Variants in ABCE1 observed in about 807,000 individuals in gnomAD.
The protein encoded by ABCE1 is ATP binding cassette subfamily E member 1.
A neutral mutation model predicts 83.4 loss-of-function variants in ABCE1; 22 were observed. The observed-to-expected ratio is 0.26, with a 90% CI of 0.19 to 0.38. ABCE1 has a LOEUF of 0.38. Among genes scored for constraint, ABCE1 ranks in the 10% least tolerant of loss-of-function variants. The pLI is 1.00. For missense variants in ABCE1, 330 were observed against 721.9 expected, an observed-to-expected ratio of 0.46 and a Z score of 6.22; for synonymous variants, 204 against 233.7, an observed-to-expected ratio of 0.87 and a Z score of 1.16.
intron 9 of ABCE1, among the ~76,000 whole-genome samples, chr4:145,115,501 A>G (rs1749586465): frequency 6.6e-6 from 1 of 151,684 alleles, no homozygotes. Context: ...TTCCCTTTTC[A>G]TCTTAGACCT....
chr4:145,099,667 C>T (rs1352548533), intron 1 of ABCE1, among the ~76,000 whole-genome samples: 1 of 151,646 alleles, frequency 6.6e-6, no homozygotes, highest in African/African-American at 2.4e-5. Flanking sequence ...GAGCCGTGTA[C>T]CACTCCTAAC....
chr4:145,107,966 A>G lies in ABCE1; in HGVS notation c.190-49A>G, dbSNP rs761971202. On this transcript the variant is annotated intron_variant, in intron 3 of 17. Transcript: ENST00000296577. ...TTTTTAATCCATTTTAGTTATGTGTATATGTCTACAAATTAATACAAAAAT... is the reference window on the plus strand; with the variant it reads ...TTTTTAATCCATTTTAGTTATGTGTGTATGTCTACAAATTAATACAAAAAT... The G allele has an allele frequency of 5.1e-5, 72 of 1,416,048 alleles. No homozygotes were observed. In the South Asian group the frequency reaches 8.8e-4, roughly 17 times the overall value. 87.7% of individuals were successfully genotyped at this position (1,416,048 alleles called of 1,614,324 possible).
intron 16 of ABCE1, 52 bp from the exon 17 acceptor site, chr4:145,124,937 GT>G: frequency 3.9e-6 from 5 of 1,297,312 alleles, no homozygotes; most frequent in Non-Finnish European, 5.5e-6. Context: ...TCAAAAGGTA[GT>G]TACATTTCTG....
intron 13 of ABCE1, 148 bp from the exon 14 acceptor site, chr4:145,122,873 C>A: frequency 1.8e-6 from 1 of 553,370 alleles, no homozygotes; most frequent in Non-Finnish European, 3.1e-6. Context: ...AATCTCAAAA[C>A]ATGTCATAGA....
intron 1 of ABCE1, among the ~76,000 whole-genome samples, chr4:145,098,715 C>T (rs1482371252): frequency 6.6e-6 from 1 of 152,206 alleles, no homozygotes; most frequent in Non-Finnish European, 1.5e-5. Context: ...CCCCCTTTAC[C>T]CCACTCCCGC....
chr4:145,115,996 G>T (rs1193157944), intron 9 of ABCE1, among the ~76,000 whole-genome samples: 3 of 151,936 alleles, frequency 2.0e-5, no homozygotes, highest in Non-Finnish European at 4.4e-5. Context: ...ATTCAAGAGT[G>T]AGGGGGAAAG....
At chr4:145,120,380 G>A (rs533398970) in intron 11 of ABCE1, among the ~76,000 whole-genome samples, 57 of 152,078 alleles carry the variant, frequency 3.7e-4, no homozygotes, top group Middle Eastern at 3.4e-3. Flanking sequence ...ATAACCTCTA[G>A]TGAAAATAAG....
chr4:145,120,078 A>C lies in ABCE1; in HGVS notation c.1069A>C (p.Met357Leu), dbSNP rs1462306238. 12 of 1,612,140 alleles carry C rather than the reference A, an allele frequency of 7.4e-6. No individual in the cohort carries two copies. Among genetic ancestry groups the C allele is most frequent in the Non-Finnish European group, 1.0e-5 (12 of 1,179,312 alleles). The change falls in exon 11 of 18, where the codon ATG becomes CTG. Residue 357 changes from methionine (M) to leucine (L), a missense_variant. Coordinates refer to ENST00000296577, the MANE Select transcript of ABCE1 (RefSeq NM_002940.3). ...MYKYPGMKKK[M>L]GEFELAIVAG... The stretch of plus-strand genomic sequence containing the variant: ...TAAATATCCAGGAATGAAGAAAAAA[A>C]TGGGAGAATTTGAGCTAGCAATTGT...
intron 9 of ABCE1, among the ~76,000 whole-genome samples, chr4:145,113,025 T>G (rs1409418974): frequency 1.3e-5 from 2 of 152,190 alleles, no homozygotes; most frequent in Non-Finnish European, 2.9e-5. Context: ...AACATCCTTT[T>G]AAATACATGG....
intron 16 of ABCE1, 27 bp from the exon 17 acceptor site, chr4:145,124,963 C>T: frequency 6.6e-7 from 1 of 1,511,640 alleles, no homozygotes; most frequent in Non-Finnish European, 9.1e-7. Flanking sequence ...AAAATTTAAT[C>T]AAAATTGATT....
At chr4:145,107,799 A>C (rs1222520353) in intron 3 of ABCE1, among the ~76,000 whole-genome samples, 1 of 152,220 alleles carries the variant, frequency 6.6e-6, no homozygotes, top group Non-Finnish European at 1.5e-5. Flanking sequence ...GTCCTGGAAC[A>C]ATTTTCCCCA....
chr4:145,099,664 G>A (rs781400763), intron 1 of ABCE1, among the ~76,000 whole-genome samples: 1 of 152,158 alleles, frequency 6.6e-6, no homozygotes, highest in African/African-American at 2.4e-5. Context: ...TCAGAGCCGT[G>A]TACCACTCCT....
At chr4:145,118,965 T>C (rs1212765747) in intron 10 of ABCE1, among the ~76,000 whole-genome samples, 1 of 151,900 alleles carries the variant, frequency 6.6e-6, no homozygotes, top group Non-Finnish European at 1.5e-5. Context: ...ACCAAGTGGC[T>C]GCTAAGGTTC....
chr4:145,106,314 T>C (rs1749303900), intron 3 of ABCE1, among the ~76,000 whole-genome samples: 2 of 152,056 alleles, frequency 1.3e-5, no homozygotes, highest in African/African-American at 4.8e-5. Flanking sequence ...ACCACACTAT[T>C]GTTCAAATAA....
intron 13 of ABCE1, chr4:145,122,493 A>G (rs557432406): frequency 6.6e-6 from 1 of 152,022 alleles, no homozygotes; most frequent in African/African-American, 2.4e-5. Context: ...TTTTAAAATT[A>G]TTGCAGGGGC....
At chr4:145,102,450 C>CTT (rs1459457943) in intron 1 of ABCE1, among the ~76,000 whole-genome samples, 1 of 152,106 alleles carries the variant, frequency 6.6e-6, no homozygotes. Flanking sequence ...TTGGGACATT[C>CTT]TTATGGAATG....
intron 2 of ABCE1, among the ~76,000 whole-genome samples, chr4:145,105,313 G>T (rs1749271022): frequency 6.6e-6 from 1 of 151,896 alleles, no homozygotes; most frequent in Non-Finnish European, 1.5e-5. Context: ...TTCAGGATAT[G>T]TCATACTTTT....
At chr4:145,125,937 A>G (rs1046350539) in intron 17 of ABCE1, among the ~76,000 whole-genome samples, 1 of 152,038 alleles carries the variant, frequency 6.6e-6, no homozygotes, top group South Asian at 2.1e-4. Context: ...GCTACTCGGG[A>G]GGCTGAGGCA....
chr4:145,101,086 A>T (rs1293109356), intron 1 of ABCE1, among the ~76,000 whole-genome samples: 5 of 152,202 alleles, frequency 3.3e-5, no homozygotes, highest in African/African-American at 1.2e-4. Flanking sequence ...ATATATATGG[A>T]ATATATAGTA....
Sources: gnomAD v4.1 joint callset for allele counts (sites outside exome capture counted in the v4.1 genomes callset) on GRCh38, gnomAD v4.1.1 for gene constraint, MANE v1.5 for transcripts, NCBI Gene and HGNC (gene_info 2026-07-23, HGNC 2026-07-21) for gene names.